Variants in ADARB2 observed in about 807,000 individuals in gnomAD.
ADARB2 encodes the protein adenosine deaminase RNA specific B2 (inactive), also known as inactive double-stranded RNA-specific editase B2.
Under a neutral mutation model 62.2 loss-of-function variants are expected in ADARB2, and 25 were observed. The observed-to-expected ratio is 0.40, with a 90% CI of 0.29 to 0.56. The LOEUF (loss-of-function observed/expected upper bound fraction) is 0.56. Ranked by LOEUF, ADARB2 falls within the 20% of genes least tolerant of loss-of-function variation. ADARB2 has a pLI of 0.43. For missense variants in ADARB2, 1,071 were observed against 1,077.4 expected, an observed-to-expected ratio of 0.99 and a Z score of 0.08; for synonymous variants, 572 against 500.8, an observed-to-expected ratio of 1.14 and a Z score of -1.90.
intron 8 of ADARB2, among the ~76,000 whole-genome samples, chr10:1,192,814 G>T (rs1472997596): frequency 6.6e-6 from 1 of 152,246 alleles, no homozygotes; most frequent in African/African-American, 2.4e-5. Flanking sequence ...CTGGTGGCGG[G>T]TGCCTGTAGT....
chr10:1,405,981 C>A (rs1208469224), intron 1 of ADARB2, among the ~76,000 whole-genome samples: 1 of 152,006 alleles, frequency 6.6e-6, no homozygotes, highest in Admixed American at 6.6e-5. Flanking sequence ...CAAGGTACAC[C>A]CATTTCTTAA....
At chr10:1,491,160 C>T (rs776207269) in intron 1 of ADARB2, among the ~76,000 whole-genome samples, 5 of 152,150 alleles carry the variant, frequency 3.3e-5, no homozygotes, top group Non-Finnish European at 5.9e-5. Context: ...CAAGCCTCAA[C>T]CAGGCTTAAG....
At chr10:1,188,614 G>T (rs200057517) in intron 8 of ADARB2, among the ~76,000 whole-genome samples, 5 of 48,406 alleles carry the variant, frequency 1.0e-4, no homozygotes, top group African/African-American at 1.7e-4. Context: ...CTACCTTCTT[G>T]TCTTTTTTTT....
At chr10:1,302,888 C>G (rs1449931861) in intron 3 of ADARB2, among the ~76,000 whole-genome samples, 1 of 152,016 alleles carries the variant, frequency 6.6e-6, no homozygotes, top group Admixed American at 6.5e-5. Context: ...ACATCACCAT[C>G]ATCAAAGACC....
chr10:1,199,293 A>G (rs1836952074), intron 8 of ADARB2, among the ~76,000 whole-genome samples: 2 of 151,914 alleles, frequency 1.3e-5, no homozygotes, highest in African/African-American at 4.8e-5. Context: ...CCCTCCCAAG[A>G]CCACTCCCGG....
chr10:1,535,585 T>C (rs1832320847), intron 1 of ADARB2: 1 of 167,388 alleles, frequency 6.0e-6, no homozygotes, highest in Admixed American at 6.5e-5. Flanking sequence ...CTCCCATTTT[T>C]CCCCAGACGG....
intron 4 of ADARB2, among the ~76,000 whole-genome samples, chr10:1,250,944 G>GA (rs1831032658): frequency 6.6e-6 from 1 of 152,132 alleles, no homozygotes; most frequent in South Asian, 2.1e-4. Context: ...ACACGTGCAG[G>GA]AATTTAGTAT....
chr10:1,233,590 A>G, intron 6 of ADARB2, 104 bp downstream of exon 6: 1 of 1,270,304 alleles, frequency 7.9e-7, no homozygotes, highest in Non-Finnish European at 1.1e-6. Flanking sequence ...CAAGGGCCCC[A>G]CACACCGCGC....
chr10:1,550,001 A>G (rs1021796418), intron 1 of ADARB2, among the ~76,000 whole-genome samples: 3 of 152,186 alleles, frequency 2.0e-5, no homozygotes, highest in African/African-American at 7.2e-5. Flanking sequence ...AACACACCAT[A>G]TTGTTTATAA....
At chr10:1,608,939 T>C (rs369820922) in intron 1 of ADARB2, among the ~76,000 whole-genome samples, 9 of 152,288 alleles carry the variant, frequency 5.9e-5, no homozygotes, top group Admixed American at 3.3e-4. Flanking sequence ...TGCCCTATTG[T>C]GCGTCCCTCT....
rs147438127 is a variant in ADARB2, at chr10:1,685,552, C to A, written c.100+51499G>T. On this transcript the variant is annotated intron_variant, in intron 1 of 9. Transcript: ENST00000381312. ...TTAGAATTTTCTCTGGAACAAAATT[C>A]TATAAATTCTCATTCCCTCATAAAA... 5.3e-3 allele frequency among the ~76,000 whole-genome samples: 813 copies of A among 152,292 alleles called. 7 individuals are homozygous for A. The highest frequency in any genetic ancestry group is 0.018 in the African/African-American group (754 of 41,560).
intron 3 of ADARB2, among the ~76,000 whole-genome samples, chr10:1,289,500 T>C (rs1831444841): frequency 6.6e-6 from 1 of 152,212 alleles, no homozygotes; most frequent in Non-Finnish European, 1.5e-5. Flanking sequence ...GGGGGAGGCC[T>C]CTGCCCACGG....
intron 1 of ADARB2, among the ~76,000 whole-genome samples, chr10:1,580,612 G>A (rs1390201584): frequency 6.6e-6 from 1 of 151,548 alleles, no homozygotes; most frequent in African/African-American, 2.4e-5. Flanking sequence ...CAACCACCCC[G>A]TTATCAAGTC....
chr10:1,519,951 TCA>T (rs1323713077), intron 1 of ADARB2, among the ~76,000 whole-genome samples: 1 of 152,208 alleles, frequency 6.6e-6, no homozygotes, highest in African/African-American at 2.4e-5. Context: ...TTTCAGAAGC[TCA>T]CACACCCTGG....
intron 3 of ADARB2, among the ~76,000 whole-genome samples, chr10:1,327,229 CCACGGCACAGCACCTCCT>C (rs1831870223): frequency 1.6e-5 from 1 of 62,166 alleles, no homozygotes; most frequent in African/African-American, 5.9e-5. Flanking sequence ...CAGCGCCTCC[CCACGGCACAGCACCTCCT>C]CACTGCCCAG....
chr10:1,469,370 A>T, intron 1 of ADARB2, among the ~76,000 whole-genome samples: 1 of 152,200 alleles, frequency 6.6e-6, no homozygotes, highest in East Asian at 1.9e-4. Context: ...CCCTATTTGG[A>T]TTTCTTTTTC....
chr10:1,653,614 C>G (rs1049521550), intron 1 of ADARB2, among the ~76,000 whole-genome samples: 24 of 112,540 alleles, frequency 2.1e-4, no homozygotes, highest in African/African-American at 4.1e-4. Context: ...CCAACGCCTT[C>G]TGTGCCTGCA....
chr10:1,533,090 C>A (rs1832270943), intron 1 of ADARB2, among the ~76,000 whole-genome samples: 1 of 150,996 alleles, frequency 6.6e-6, no homozygotes, highest in Non-Finnish European at 1.5e-5. Context: ...AACGAGCCAG[C>A]TGATTACTGT....
At chr10:1,705,753 T>TG (rs1336065108) in intron 1 of ADARB2, among the ~76,000 whole-genome samples, 1 of 152,234 alleles carries the variant, frequency 6.6e-6, no homozygotes, top group African/African-American at 2.4e-5. Context: ...ATTGTGCTGC[T>TG]CTGAGGGTTC....
Sources: gnomAD v4.1 joint callset for allele counts (sites outside exome capture counted in the v4.1 genomes callset) on GRCh38, gnomAD v4.1.1 for gene constraint, MANE v1.5 for transcripts, NCBI Gene and HGNC (gene_info 2026-07-23, HGNC 2026-07-21) for gene names.